GABRB1: variants seen among roughly 807,000 people sequenced by gnomAD.
The protein encoded by GABRB1 is gamma-aminobutyric acid type A receptor subunit beta1.
A neutral mutation model predicts 51.6 loss-of-function variants in GABRB1; 17 were observed. The ratio of observed to expected loss-of-function variants is 0.33; its 90% CI spans 0.23 to 0.49. The LOEUF is 0.49. Among genes scored for constraint, GABRB1 ranks in the 20% least tolerant of loss-of-function variants. The pLI is 0.99. For synonymous variants in GABRB1, 247 were observed against 218.9 expected, an observed-to-expected ratio of 1.13 and a Z score of -1.14; for missense variants, 410 against 600.6, an observed-to-expected ratio of 0.68 and a Z score of 3.32.
chr4:47,043,166 A>G (rs1725932369), intron 3 of GABRB1: 1 of 152,112 alleles, frequency 6.6e-6, no homozygotes, highest in Non-Finnish European at 1.5e-5. Context: ...AAGATTCACG[A>G]CAGAGGTTAA....
chr4:47,084,956 T>C (rs937656844), intron 3 of GABRB1, among the ~76,000 whole-genome samples: 2 of 152,150 alleles, frequency 1.3e-5, no homozygotes, highest in Non-Finnish European at 2.9e-5. Flanking sequence ...TGTTCAACCC[T>C]TGGGAGTTAT....
At chr4:47,399,976 G>T (rs921974460) in intron 5 of GABRB1, among the ~76,000 whole-genome samples, 3 of 152,114 alleles carry the variant, frequency 2.0e-5, no homozygotes, top group Non-Finnish European at 4.4e-5. Context: ...AAGCTCTGGG[G>T]AATTTGTATT....
At chr4:47,247,824 G>A (rs1272577578) in intron 4 of GABRB1, among the ~76,000 whole-genome samples, 1 of 152,090 alleles carries the variant, frequency 6.6e-6, no homozygotes, top group East Asian at 1.9e-4. Flanking sequence ...CTGCTTGGTC[G>A]TTGTTGGTGT....
chr4:47,297,306 T>C (rs557878617), intron 4 of GABRB1, among the ~76,000 whole-genome samples: 3 of 119,884 alleles, frequency 2.5e-5, no homozygotes, highest in Admixed American at 8.4e-5. Flanking sequence ...TTCAAAAAAT[T>C]AATGAATCCA....
chr4:47,197,813 T>C (rs1719747676), intron 4 of GABRB1, among the ~76,000 whole-genome samples: 1 of 152,206 alleles, frequency 6.6e-6, no homozygotes, highest in African/African-American at 2.4e-5. Flanking sequence ...TTTAAGCCTC[T>C]CATAATCTTA....
At chr4:47,023,250 T>A (rs1724978887) in intron 1 of GABRB1, among the ~76,000 whole-genome samples, 2 of 151,956 alleles carry the variant, frequency 1.3e-5, no homozygotes, top group South Asian at 4.1e-4. Flanking sequence ...TGATGAGACT[T>A]ACTATTTGAT....
intron 1 of GABRB1, among the ~76,000 whole-genome samples, chr4:47,024,607 G>A (rs1725029321): frequency 6.6e-6 from 1 of 151,702 alleles, no homozygotes; most frequent in Non-Finnish European, 1.5e-5. Flanking sequence ...TGGGGAAGAA[G>A]TGGCATTTGG....
chr4:47,211,990 T>C (rs573795400), intron 4 of GABRB1, among the ~76,000 whole-genome samples: 34 of 152,278 alleles, frequency 2.2e-4, no homozygotes, highest in African/African-American at 7.7e-4. Context: ...AGTTCCTTTT[T>C]TCATATAAGG....
chr4:47,046,370 C>G lies in GABRB1; in HGVS notation c.240+13886C>G, dbSNP rs182492254. On this transcript the variant is annotated intron_variant, in intron 3 of 8. Transcript: ENST00000295454. ...TCAAACAAACAAAAATATTATTTAT[C>G]TGTTCACTTCTGCTTATCAAGCACT... Among the ~76,000 whole-genome samples, 181 of 152,196 alleles carry G rather than the reference C, an allele frequency of 1.2e-3. 1 individual carries two copies. Among genetic ancestry groups the G allele is most frequent in the African/African-American group, 4.1e-3 (171 of 41,544 alleles).
chr4:47,416,850 A>G (rs982732963), intron 8 of GABRB1, among the ~76,000 whole-genome samples: 38 of 152,252 alleles, frequency 2.5e-4, no homozygotes, highest in Middle Eastern at 3.4e-3. Flanking sequence ...AGAAAGGACC[A>G]CAGGGCAACA....
chr4:47,348,855 A>G (rs4588429), intron 5 of GABRB1, among the ~76,000 whole-genome samples: 55,571 of 152,072 alleles, frequency 0.37, 10,427 homozygotes, highest in South Asian at 0.46. Flanking sequence ...GGAAGAAATA[A>G]TGCTAGCTTG....
chr4:47,062,799 C>A (rs1380342030), intron 3 of GABRB1, among the ~76,000 whole-genome samples: 1 of 152,098 alleles, frequency 6.6e-6, no homozygotes, highest in Non-Finnish European at 1.5e-5. Flanking sequence ...CAAGTCCCAA[C>A]TCTCTCACCT....
At chr4:47,221,231 GCTTCCTTAATA>G (rs1330276163) in intron 4 of GABRB1, among the ~76,000 whole-genome samples, 1 of 151,844 alleles carries the variant, frequency 6.6e-6, no homozygotes. Flanking sequence ...TTACTGCTGG[GCTTCCTTAATA>G]CTTTAGGAAC....
At chr4:47,334,134 C>T (rs371280839) in intron 5 of GABRB1, among the ~76,000 whole-genome samples, 2 of 152,120 alleles carry the variant, frequency 1.3e-5, no homozygotes, top group East Asian at 1.9e-4. Flanking sequence ...TGAGCTGGGG[C>T]CTGAGAGTCT....
intron 1 of GABRB1, among the ~76,000 whole-genome samples, chr4:47,007,675 C>T (rs1235317550): frequency 6.6e-6 from 1 of 151,944 alleles, no homozygotes; most frequent in Non-Finnish European, 1.5e-5. Flanking sequence ...CAAGAATGTT[C>T]TCTGACCATT....
At chr4:47,038,325 C>T (rs946678568) in intron 3 of GABRB1, among the ~76,000 whole-genome samples, 3 of 152,114 alleles carry the variant, frequency 2.0e-5, no homozygotes, top group African/African-American at 7.2e-5. Context: ...CTTTTTCTTC[C>T]TTAAACACAT....
At chr4:47,045,631 T>A (rs777078725) in intron 3 of GABRB1, among the ~76,000 whole-genome samples, 1 of 152,018 alleles carries the variant, frequency 6.6e-6, no homozygotes, top group Non-Finnish European at 1.5e-5. Flanking sequence ...ACTGCTTGGT[T>A]CAAAGACAGC....
chr4:47,016,002 C>A (rs547237884), intron 1 of GABRB1, among the ~76,000 whole-genome samples: 78 of 152,236 alleles, frequency 5.1e-4, no homozygotes, highest in African/African-American at 1.8e-3. Context: ...AGGACTAGAC[C>A]TTGAAAGTTC....
rs1721632381 is a variant in GABRB1, at chr4:47,243,804, A to G, written c.462-76323A>G. Among the ~76,000 whole-genome samples the G allele has an allele frequency of 2.6e-5, 4 of 152,210 alleles. No individual in the cohort carries two copies. The South Asian group carries it at 8.3e-4, about 31-fold the overall frequency. On this transcript the variant is annotated intron_variant, in intron 4 of 8. Coordinates refer to ENST00000295454, the MANE Select transcript of GABRB1 (RefSeq NM_000812.4). Reference sequence around the variant, plus strand: ...TTGGGCTGAGACAATGGGGTTTTCTAAATCTATAATCATGTCATCTGCAAA... The same window carrying G: ...TTGGGCTGAGACAATGGGGTTTTCTGAATCTATAATCATGTCATCTGCAAA...
Sources: allele counts gnomAD v4.1 joint callset (sites outside exome capture counted in the v4.1 genomes callset), GRCh38; gene constraint gnomAD v4.1.1; transcripts MANE v1.5; gene names NCBI Gene and HGNC (gene_info 2026-07-23, HGNC 2026-07-21).